The following RNH1 variants were observed in gnomAD, a reference collection of about 807,000 sequenced individuals.
RNH1 encodes the protein ribonuclease/angiogenin inhibitor 1, also known as ribonuclease inhibitor.
Under a neutral mutation model 46.1 loss-of-function variants are expected in RNH1, and 38 were observed. The observed-to-expected ratio is 0.82, with a 90% CI of 0.64 to 1.08. RNH1 has a LOEUF of 1.08. Ranked by LOEUF, RNH1 falls within the 50% of genes least tolerant of loss-of-function variation. The pLI is 0.00. For missense variants in RNH1, 577 were observed against 590.7 expected (o/e 0.98, Z 0.24); for synonymous variants, 319 against 279.1 (o/e 1.14, Z -1.43).
chr11:497,771 GTGCTCACTCTCACA>G (rs930424219), intron 9 of RNH1, among the ~76,000 whole-genome samples, 186 bp downstream of exon 9: 58 of 150,648 alleles, frequency 3.9e-4, no homozygotes, highest in Non-Finnish European at 5.9e-4. Context: ...ACACGGACAC[GTGCTCACTCTCACA>G]TGCTCACGGA....
At chr11:499,436 A>G in intron 5 of RNH1, 3 of 680,028 alleles carry the variant, frequency 4.4e-6, no homozygotes, top group South Asian at 3.1e-5. Flanking sequence ...CGGGAGAAAG[A>G]AACCAGCCTC....
At chr11:500,064 G>A in intron 4 of RNH1, 65 bp from the exon 5 acceptor site, 2 of 1,452,992 alleles carry the variant, frequency 1.4e-6, no homozygotes, top group South Asian at 1.3e-5. Context: ...TCGCCTGCCA[G>A]AGCCCAGAGC....
chr11:500,593 TG>T lies in RNH1; in HGVS notation c.162del (p.Asn55ThrfsTer36). 1 of 1,610,268 alleles carries T rather than the reference TG, an allele frequency of 6.2e-7. No homozygotes were observed. Among genetic ancestry groups the T allele is most frequent in the Non-Finnish European group, 8.5e-7 (1 of 1,179,970 alleles). On this transcript the variant is annotated frameshift_variant, in exon 4 of 11. Transcript: ENST00000354420. LOFTEE classifies it high-confidence loss of function. ...AGGTTGAGCTCTGCCAGTGCAGGGT[TG>T]ACTCGAAGTGCAGAGCTGATGTCCT... Reference protein sequence around the residue: ...RCKDISSALRVNPALAELNLR... With the variant: ...RCKDISSALRXNPALAELNLR...
intron 8 of RNH1, 64 bp from the exon 9 acceptor site, chr11:498,205 C>T: frequency 6.5e-7 from 1 of 1,535,862 alleles, no homozygotes; most frequent in Admixed American, 2.0e-5. Flanking sequence ...TGCGACTGGC[C>T]CTTCCCCTGA....
At chr11:494,834 C>T in intron 10 of RNH1, 49 bp downstream of exon 10, 1 of 1,612,586 alleles carries the variant, frequency 6.2e-7, no homozygotes, top group South Asian at 1.1e-5. Context: ...CCCCCGCCTT[C>T]CTCCCTGGGC....
At chr11:498,182 G>A in intron 8 of RNH1, 41 bp from the exon 9 acceptor site, 1 of 1,579,750 alleles carries the variant, frequency 6.3e-7, no homozygotes, top group Non-Finnish European at 8.6e-7. Context: ...AGGGGCCCAG[G>A]CTGGCCCACA....
At chr11:506,402 G>C (rs776714883) in intron 1 of RNH1, 1 of 152,226 alleles carries the variant, frequency 6.6e-6, no homozygotes, top group African/African-American at 2.4e-5. Flanking sequence ...GACGTGCCTG[G>C]GGCCCCTTCG....
Position 498,053 on chromosome 11 carries a change from T to C in RNH1, c.1045A>G (p.Ser349Gly), listed in dbSNP as rs1238100054. The change falls in exon 9 of 11, where the codon AGC becomes GGC. Residue 349 changes from serine to glycine, a missense_variant. By Grantham distance (56) the Ser-to-Gly change is moderately conservative. Transcript: ENST00000354420. ...CCCGCATCCTCCAGCCTGTTGTTGCTTATCTGTAGCTCCAGGAGAAACCTG... is the reference window on the plus strand; with the variant it reads ...CCCGCATCCTCCAGCCTGTTGTTGCCTATCTGTAGCTCCAGGAGAAACCTG... ...QNRFLLELQI[S>G]NNRLEDAGVR... 8 of 1,614,118 alleles carry C rather than the reference T, an allele frequency of 5.0e-6. No individual in the cohort carries two copies. The highest frequency in any genetic ancestry group is 6.8e-6 in the Non-Finnish European group (8 of 1,180,032).
chr11:497,645 G>A (rs2926816), intron 9 of RNH1, among the ~76,000 whole-genome samples: 8 of 123,678 alleles, frequency 6.5e-5, no homozygotes, highest in East Asian at 4.6e-4. Context: ...ACGGACACTC[G>A]TGCTCTCACC....
Position 494,612 on chromosome 11 carries a change from TGA to T in RNH1, c.*77_*78del. ...CTCTTCAAACCTAGGATATGCAGGG[TGA>T]GAGCATGGCAGGGGCTGGTGGGCCC... On this transcript the variant is annotated 3_prime_UTR_variant, in exon 11 of 11. Transcript: ENST00000354420. 1 of 1,217,944 alleles carries T rather than the reference TGA, an allele frequency of 8.2e-7. No homozygotes were observed. Among genetic ancestry groups the T allele is most frequent in the Non-Finnish European group, 1.2e-6 (1 of 830,574 alleles). 75.4% of individuals were successfully genotyped at this position (1,217,944 alleles called of 1,614,324 possible).
intron 10 of RNH1, 39 bp downstream of exon 10, chr11:494,844 C>T (rs776395487): frequency 6.2e-6 from 10 of 1,612,138 alleles, no homozygotes; most frequent in South Asian, 2.2e-5. Context: ...CCTCCCTGGG[C>T]AGCCCTGGCC....
At position 498,092 on chromosome 11, in the gene RNH1, C is replaced by G. The variant is rs1425463547; in HGVS notation, c.1006G>C (p.Val336Leu). The change falls in exon 9 of 11, where the codon GTG (valine) becomes CTG (leucine). Residue 336 changes from valine (V) to leucine (L), a missense_variant. Transcript: ENST00000354420. ...AGGAGAAACCTGTTCTGGGCCAGCA[C>G]TGAGCTGAAGTGGGAGCAGCAGGCG... is the stretch of plus-strand genomic sequence containing the variant. ...TAACCSHFSS[V>L]LAQNRFLLEL... is the part of the protein sequence containing the mutation. 2.5e-6 allele frequency: 4 copies of G among 1,614,112 alleles called. No homozygotes were observed. The highest frequency in any genetic ancestry group is 3.4e-6 in the Non-Finnish European group (4 of 1,180,042).
At chr11:499,265 G>A in intron 5 of RNH1, 80 bp from the exon 6 acceptor site, 2 of 1,487,882 alleles carry the variant, frequency 1.3e-6, no homozygotes, top group Non-Finnish European at 1.8e-6. Flanking sequence ...GGGGTGTGCT[G>A]GTGTCTCATC....
intron 1 of RNH1, chr11:506,460 C>T (rs1850277863): frequency 6.6e-6 from 1 of 152,390 alleles, no homozygotes; most frequent in Non-Finnish European, 1.5e-5. Context: ...CCCCTAAGTG[C>T]CATTCCAGTT....
At chr11:498,677 T>C (rs1290766779) in intron 7 of RNH1, 50 bp from the exon 8 acceptor site, 2 of 1,604,764 alleles carry the variant, frequency 1.2e-6, no homozygotes, top group Non-Finnish European at 1.7e-6. Flanking sequence ...TCTCATGGCC[T>C]GAGATGAGCC....
At position 494,996 on chromosome 11, in the gene RNH1, C is replaced by A. The variant is rs745693741; in HGVS notation, c.1185G>T (p.Leu395Phe). 1.9e-6 allele frequency: 3 copies of A among 1,605,420 alleles called. No individual in the cohort carries two copies. The Admixed American group carries it at 5.1e-5, about 27-fold the overall frequency. The part of the protein sequence containing the change: ...SSCSSLAATL[L>F]ANHSLRELDL... ...CCAGCTCACGCAGGCTGTGGTTGGC[C>A]AACAGGGTTGCGGCGAGGCTGCTGC... Residue 395 changes from leucine to phenylalanine, a missense_variant, in exon 10 of 11, where the codon TTG becomes TTT. Physicochemically the swap from Leu to Phe is conservative, Grantham distance 22. Transcript: ENST00000354420.
At position 498,924 on chromosome 11, in the gene RNH1, GCT is replaced by G. The variant is rs1422149580; in HGVS notation, c.622_623del (p.Ser208LeufsTer33). The G allele has an allele frequency of 1.9e-6, 3 of 1,612,558 alleles. No homozygotes were observed. Among genetic ancestry groups the G allele is most frequent in the Non-Finnish European group, 2.5e-6 (3 of 1,179,760 alleles). On this transcript the variant is annotated frameshift_variant, in exon 7 of 11. Transcript: ENST00000354420. LOFTEE classifies it high-confidence loss of function. Reference protein sequence around the residue: ...PCQLEALKLESCGVTSDNCRD... With the variant: ...PCQLEALKLEXCGVTSDNCRD... ...GGCAGTTGTCTGATGTCACACCGCA[GCT>G]CTCCAGCCTGGGGACACGGGTCACA... is the stretch of plus-strand genomic sequence containing the variant.
At chr11:497,647 G>GCTCA (rs36138878) in intron 9 of RNH1, among the ~76,000 whole-genome samples, 9,173 of 121,376 alleles carry the variant, frequency 0.076, 496 homozygotes, top group Admixed American at 0.12. Flanking sequence ...GGACACTCGT[G>GCTCA]CTCTCACCCA....
At chr11:496,789 G>C (rs771473512) in intron 9 of RNH1, among the ~76,000 whole-genome samples, 2 of 152,222 alleles carry the variant, frequency 1.3e-5, no homozygotes, top group African/African-American at 2.4e-5. Context: ...CCTTTTCTTA[G>C]AAAGCTGCAA....
Sources: gnomAD v4.1 joint callset for allele counts (sites outside exome capture counted in the v4.1 genomes callset) on GRCh38, gnomAD v4.1.1 for gene constraint, MANE v1.5 for transcripts, NCBI Gene and HGNC (gene_info 2026-07-23, HGNC 2026-07-21) for gene names.